The following TPD52 variants were observed in gnomAD, a reference collection of about 807,000 sequenced individuals.
TPD52 encodes the protein tumor protein D52.
In TPD52, 17 loss-of-function variants were observed where a neutral mutation model predicts 31.3. The observed-to-expected ratio is 0.54, with a 90% confidence interval of 0.37 to 0.82. The LOEUF is 0.82. TPD52 is among the 40% of genes least tolerant of loss of function. The pLI is 0.00. For synonymous variants in TPD52, 83 were observed against 89.6 expected (o/e 0.93, Z 0.42); for missense variants, 212 against 240.1 (o/e 0.88, Z 0.77).
chr8:80,037,241 G>A lies in TPD52; in HGVS notation c.*875C>T, dbSNP rs2130321215. 6.6e-6 allele frequency: 1 copy of A among 152,588 alleles called. No homozygotes were observed. Among genetic ancestry groups the A allele is most frequent in the South Asian group, 2.1e-4 (1 of 4,818 alleles). 9.5% of individuals were successfully genotyped at this position (152,588 alleles called of 1,614,324 possible). On this transcript the variant is annotated 3_prime_UTR_variant, in exon 8 of 8. Transcript: ENST00000518937. ...TGGTTCCCCTAATGTGATTGATATT[G>A]TCATTTTTACCAGCTTCTAGATCTA...
intron 1 of TPD52, among the ~76,000 whole-genome samples, chr8:80,129,343 ATTAAG>A (rs769830204): frequency 5.3e-5 from 8 of 152,256 alleles, no homozygotes; most frequent in Non-Finnish European, 1.2e-4. Context: ...TAAAATTTAT[ATTAAG>A]TTAACAGCAT....
chr8:80,064,645 C>T (rs774133115), intron 1 of TPD52, 52 bp from the exon 2 acceptor site: 3 of 1,315,238 alleles, frequency 2.3e-6, no homozygotes, highest in Non-Finnish European at 3.3e-6. Flanking sequence ...AGTAAAATCC[C>T]TATTTAAGCT....
chr8:80,038,786 C>G (rs1810106440), intron 7 of TPD52, among the ~76,000 whole-genome samples: 1 of 152,160 alleles, frequency 6.6e-6, no homozygotes, highest in East Asian at 1.9e-4. Flanking sequence ...CTACCCCACC[C>G]AACTCCAGCT....
At chr8:80,162,888 T>G (rs945806991) in intron 1 of TPD52, among the ~76,000 whole-genome samples, 1 of 152,104 alleles carries the variant, frequency 6.6e-6, no homozygotes, top group Non-Finnish European at 1.5e-5. Flanking sequence ...ATTGAGCCAC[T>G]GCACTCCAGC....
rs545868629 is a variant in TPD52 at position 80,062,610 on chromosome 8, C to T, written c.135+1868G>A. The stretch of plus-strand genomic sequence containing the variant: ...TGTTGCCAGGGATGTGGGGAAATTG[C>T]TGATGGGAATATTAAATGGTGTTAA... On this transcript the variant is annotated intron_variant, in intron 2 of 7. Transcript: ENST00000518937. Among the ~76,000 whole-genome samples, 10 of 152,198 alleles carry T rather than the reference C, an allele frequency of 6.6e-5. No homozygotes were observed. The South Asian group carries it at 1.5e-3, about 22-fold the overall frequency.
At chr8:80,154,741 ACACACACAC>A (rs1313896346) in intron 1 of TPD52, among the ~76,000 whole-genome samples, 3,144 of 80,742 alleles carry the variant, frequency 0.039, 77 homozygotes, top group East Asian at 0.19. Context: ...ACACACACAC[ACACACACAC>A]ACAAAACACC....
Position 80,053,435 on chromosome 8 carries a change from G to T in TPD52, c.136-5C>A. ...AGTCTGGATTTCTTCTTCTACCTAT[G>T]AGGAAGGGGTTTGGGGTAAGAATAT... On this transcript the variant is annotated splice_polypyrimidine_tract_variant and splice_region_variant and intron_variant, in intron 2 of 7. Coordinates refer to ENST00000518937, the MANE Select transcript of TPD52 (RefSeq NM_001025253.3). 6.2e-7 allele frequency: 1 copy of T among 1,612,606 alleles called. No homozygotes were observed. Among genetic ancestry groups the T allele is most frequent in the South Asian group, 1.1e-5 (1 of 90,914 alleles).
chr8:80,106,740 G>A (rs1334548939), intron 1 of TPD52, among the ~76,000 whole-genome samples: 1 of 150,136 alleles, frequency 6.7e-6, no homozygotes, highest in Non-Finnish European at 1.5e-5. Flanking sequence ...AAGCCAAAAT[G>A]GACGCAAAAG....
At chr8:80,138,045 G>C (rs956211991) in intron 1 of TPD52, among the ~76,000 whole-genome samples, 1 of 152,084 alleles carries the variant, frequency 6.6e-6, no homozygotes, top group African/African-American at 2.4e-5. Context: ...CCAGGTTCAA[G>C]CAATTCTCCT....
intron 1 of TPD52, among the ~76,000 whole-genome samples, chr8:80,164,403 T>C (rs571271309): frequency 8.5e-5 from 13 of 152,266 alleles, no homozygotes; most frequent in Middle Eastern, 3.4e-3. Flanking sequence ...CAATGAATGG[T>C]GTTAGGCAGT....
rs1176458822 is a variant in TPD52, at chr8:80,154,733, AC to A, written c.19+16691del. 2.4e-3 allele frequency among the ~76,000 whole-genome samples: 359 copies of A among 149,788 alleles called. 3 individuals are homozygous for A. Among genetic ancestry groups the A allele is most frequent in the East Asian group, 0.018 (95 of 5,144 alleles). ...CACACACACACACACACACACACACACACACACACACACACACACAAAACAC... is the reference window on the plus strand; with the variant it reads ...CACACACACACACACACACACACACAACACACACACACACACACAAAACAC... On this transcript the variant is annotated intron_variant, in intron 1 of 7. Coordinates refer to ENST00000518937, the MANE Select transcript of TPD52 (RefSeq NM_001025253.3).
chr8:80,075,171 G>T (rs959967955), intron 1 of TPD52, among the ~76,000 whole-genome samples: 1 of 152,018 alleles, frequency 6.6e-6, no homozygotes, highest in African/African-American at 2.4e-5. Context: ...GTAGAGACAG[G>T]GTTCACCATG....
intron 1 of TPD52, among the ~76,000 whole-genome samples, chr8:80,083,351 C>T (rs867044524): frequency 3.3e-5 from 5 of 152,110 alleles, no homozygotes; most frequent in African/African-American, 1.2e-4. Flanking sequence ...AGGAGAAAGC[C>T]TTGTGATATG....
chr8:80,152,784 A>AAAAAAAAAAAG (rs1395396854), intron 1 of TPD52, among the ~76,000 whole-genome samples: 1 of 146,946 alleles, frequency 6.8e-6, no homozygotes, highest in African/African-American at 2.7e-5. Context: ...CCGTCTCAAA[A>AAAAAAAAAAAG]AAAAAAAAAA....
chr8:80,171,239 G>A (rs557606187), intron 1 of TPD52, 186 bp downstream of exon 1: 3 of 762,124 alleles, frequency 3.9e-6, no homozygotes, highest in East Asian at 2.7e-5. Context: ...GCCCCCGCCA[G>A]AGCCGCTCCT....
chr8:80,089,326 G>A (rs1055802831), intron 1 of TPD52, among the ~76,000 whole-genome samples: 5 of 152,182 alleles, frequency 3.3e-5, no homozygotes, highest in Admixed American at 3.3e-4. Context: ...GTAAAGGACA[G>A]TGACCGCATT....
chr8:80,077,100 C>T (rs975903826), intron 1 of TPD52, among the ~76,000 whole-genome samples: 3 of 151,982 alleles, frequency 2.0e-5, no homozygotes, highest in African/African-American at 7.2e-5. Context: ...TATGGTGAAA[C>T]CCCGTCTCTA....
At chr8:80,084,352 C>T (rs766634866) in intron 1 of TPD52, among the ~76,000 whole-genome samples, 1 of 152,252 alleles carries the variant, frequency 6.6e-6, no homozygotes, top group South Asian at 2.1e-4. Context: ...TAAGGATAGA[C>T]ATCTGACCCA....
At chr8:80,041,236 A>T (rs1157892709) in intron 7 of TPD52, among the ~76,000 whole-genome samples, 2 of 152,178 alleles carry the variant, frequency 1.3e-5, no homozygotes, top group Non-Finnish European at 2.9e-5. Flanking sequence ...GCACGTGTAT[A>T]CCTATGTAAC....
Sources: gnomAD v4.1 joint callset for allele counts (sites outside exome capture counted in the v4.1 genomes callset) on GRCh38, gnomAD v4.1.1 for gene constraint, MANE v1.5 for transcripts, NCBI Gene and HGNC (gene_info 2026-07-23, HGNC 2026-07-21) for gene names.